RYR1: variants seen among roughly 807,000 people sequenced by gnomAD.
The protein encoded by RYR1 is central core disease of muscle.
Under a neutral mutation model 583.5 loss-of-function variants are expected in RYR1, and 342 were observed. The observed-to-expected ratio is 0.59, with a 90% confidence interval of 0.54 to 0.64. The LOEUF is 0.64. Ranked by LOEUF, RYR1 falls within the 30% of genes least tolerant of loss-of-function variation. The probability of loss-of-function intolerance (pLI) is 0.00; values close to 1 mark genes in which losing one functional copy is unlikely to be tolerated. For missense variants in RYR1, 6,032 were observed against 6,917.2 expected, an observed-to-expected ratio of 0.87 and a Z score of 4.54; for synonymous variants, 2,791 against 2,822.5, an observed-to-expected ratio of 0.99 and a Z score of 0.35.
intron 71 of RYR1, 137 bp downstream of exon 71, chr19:38,525,639 GTTCTT>G (rs1971435614): frequency 3.1e-6 from 3 of 963,702 alleles, no homozygotes; most frequent in East Asian, 5.2e-5. Flanking sequence ...ACCCCACTGA[GTTCTT>G]TTCCGGGATG....
At position 38,451,210 on chromosome 19, in the gene RYR1, G is replaced by C. The variant is rs528310668; in HGVS notation, c.1123-554G>C. On this transcript the variant is annotated intron_variant, in intron 11 of 105. Transcript: ENST00000359596. ...CATGAGCCAAGGGCGTAGAGACGGG[G>C]CCTGGGCCATGTCCAAAGTGGGGAC... Among the ~76,000 whole-genome samples, 3 of 152,378 alleles carry C rather than the reference G, an allele frequency of 2.0e-5. No individual in the cohort carries two copies. The East Asian group carries it at 5.8e-4, about 29-fold the overall frequency.
intron 76 of RYR1, 101 bp from the exon 77 acceptor site, chr19:38,532,383 AGAGTGT>A: frequency 9.1e-7 from 1 of 1,097,594 alleles, no homozygotes; most frequent in South Asian, 1.3e-5. Flanking sequence ...TCAGCCTCCC[AGAGTGT>A]TGGGATTACA....
At chr19:38,574,963 C>T (rs868362992) in intron 96 of RYR1, among the ~76,000 whole-genome samples, 1 of 150,594 alleles carries the variant, frequency 6.6e-6, no homozygotes, top group Admixed American at 6.7e-5. Context: ...TGGCGTGAAC[C>T]GAGGAGGCGG....
chr19:38,436,361 C>G (rs1436006611), intron 1 of RYR1, among the ~76,000 whole-genome samples: 1 of 152,096 alleles, frequency 6.6e-6, no homozygotes, highest in African/African-American at 2.4e-5. Flanking sequence ...GTGCATAGCA[C>G]CATGCTTGGC....
At chr19:38,438,764 G>A (rs909070596) in intron 1 of RYR1, among the ~76,000 whole-genome samples, 1 of 150,270 alleles carries the variant, frequency 6.7e-6, no homozygotes, top group Non-Finnish European at 1.5e-5. Context: ...GACTACAGGC[G>A]CCCGCCACCA....
chr19:38,473,903 C>T (rs1238667492), intron 28 of RYR1, 132 bp downstream of exon 28: 9 of 673,610 alleles, frequency 1.3e-5, no homozygotes, highest in Middle Eastern at 4.1e-4. Flanking sequence ...GTAAGAATAC[C>T]GAGAGATTCT....
chr19:38,560,454 C>T (rs917551790), intron 89 of RYR1, among the ~76,000 whole-genome samples: 9 of 151,756 alleles, frequency 5.9e-5, no homozygotes, highest in African/African-American at 1.2e-4. Flanking sequence ...TATGGCTGGG[C>T]GCGGTGGCAC....
intron 96 of RYR1, among the ~76,000 whole-genome samples, chr19:38,574,996 C>T (rs1318611655): frequency 1.3e-5 from 2 of 149,102 alleles, no homozygotes; most frequent in African/African-American, 2.5e-5. Context: ...GCCCAGATGG[C>T]ACCACTGCAC....
intron 55 of RYR1, 21 bp downstream of exon 55, chr19:38,506,398 G>T (rs762394265): frequency 6.2e-7 from 1 of 1,613,794 alleles, no homozygotes; most frequent in South Asian, 1.1e-5. Flanking sequence ...TGATCCTTTT[G>T]GGGGGACATA....
At chr19:38,574,804 C>A (rs1165497403) in intron 96 of RYR1, among the ~76,000 whole-genome samples, 4 of 152,142 alleles carry the variant, frequency 2.6e-5, no homozygotes, top group Non-Finnish European at 5.9e-5. Context: ...CTTTGGGAGG[C>A]CGAGGCAGGC....
intron 13 of RYR1, among the ~76,000 whole-genome samples, chr19:38,454,701 A>G (rs965000494): frequency 1.3e-5 from 2 of 152,178 alleles, no homozygotes; most frequent in African/African-American, 4.8e-5. Context: ...CATAACTATG[A>G]ATAATGAGAA....
chr19:38,483,576 G>A lies in RYR1; in HGVS notation c.4934+60G>A. ...GTGTTGCAAGCCCTCTGGGGTCTGG[G>A]TCCCACTCAGTGCCCCTCCTCAACA... On this transcript the variant is annotated intron_variant, in intron 33 of 105. Coordinates refer to ENST00000359596, the MANE Select transcript of RYR1 (RefSeq NM_000540.3). This position sits in a 1 kb window ranked among gnomAD's most constrained non-coding sequence, Gnocchi z 6.3. The A allele has an allele frequency of 1.4e-6, 2 of 1,410,482 alleles. No individual in the cohort carries two copies. The highest frequency in any genetic ancestry group is 9.7e-7 in the Non-Finnish European group (1 of 1,034,208). 87.4% of individuals were successfully genotyped at this position (1,410,482 alleles called of 1,614,324 possible).
chr19:38,538,065 G>A lies in RYR1; in HGVS notation c.11689+105G>A. 11 of 1,029,428 alleles carry A rather than the reference G, an allele frequency of 1.1e-5. No individual in the cohort carries two copies. The South Asian group carries it at 1.3e-4, about 12-fold the overall frequency. 63.8% of individuals were successfully genotyped at this position (1,029,428 alleles called of 1,614,324 possible). A position where few individuals can be genotyped will look rare whatever the true frequency, so the allele number is the denominator to read the frequency against. On this transcript the variant is annotated intron_variant, in intron 84 of 105. Transcript: ENST00000359596. ...CCCTCCTCCTCCCCCGGTCAATGAT[G>A]GCCACTCTCCAGCCAGTGTCAATCC...
intron 89 of RYR1, among the ~76,000 whole-genome samples, chr19:38,550,613 C>T (rs938589003): frequency 2.6e-5 from 4 of 151,902 alleles, no homozygotes; most frequent in Admixed American, 6.6e-5. Context: ...TGGGCTCAGG[C>T]GATCCTCCTG....
intron 89 of RYR1, among the ~76,000 whole-genome samples, chr19:38,559,038 AAG>A (rs1362262536): frequency 2.0e-5 from 3 of 151,594 alleles, no homozygotes; most frequent in Admixed American, 6.6e-5. Context: ...GCAGTGAGCC[AAG>A]ATCGTGCCAC....
intron 35 of RYR1, 115 bp downstream of exon 35, chr19:38,489,558 T>A: frequency 8.6e-7 from 1 of 1,159,778 alleles, no homozygotes; most frequent in Non-Finnish European, 1.3e-6. Flanking sequence ...TGGAAATGCA[T>A]ATGGCAGTGA....
At chr19:38,517,075 A>T (rs939442336) in intron 65 of RYR1, among the ~76,000 whole-genome samples, 9 of 151,888 alleles carry the variant, frequency 5.9e-5, no homozygotes, top group African/African-American at 2.2e-4. Context: ...GGTGAGGGGA[A>T]TGGGCTTGGG....
At chr19:38,520,130 C>G (rs991635791) in intron 67 of RYR1, among the ~76,000 whole-genome samples, 1 of 141,868 alleles carries the variant, frequency 7.0e-6, no homozygotes, top group African/African-American at 2.7e-5. Flanking sequence ...GGCTGGAGTG[C>G]TGTGGCATGA....
chr19:38,483,811 A>G lies in RYR1; in HGVS notation c.4934+295A>G, dbSNP rs575355474. On this transcript the variant is annotated intron_variant, in intron 33 of 105. Transcript: ENST00000359596. The surrounding 1 kb of genome is among the most constrained non-coding windows in gnomAD (Gnocchi z 6.3). ...ACCCACTCCACAGGGCCCCAAACCC[A>G]TCTCAGGGAGCCAGACCCACATCAA... is the stretch of plus-strand genomic sequence containing the variant. Among the ~76,000 whole-genome samples the G allele has an allele frequency of 6.6e-6, 1 of 151,976 alleles. No homozygotes were observed. The highest frequency in any genetic ancestry group is 6.6e-5 in the Admixed American group (1 of 15,258).
Sources: gnomAD v4.1 joint callset for allele counts (sites outside exome capture counted in the v4.1 genomes callset) on GRCh38, gnomAD v4.1.1 for gene constraint, Gnocchi (gnomAD v3.1) non-coding constraint, MANE v1.5 for transcripts, NCBI Gene and HGNC (gene_info 2026-07-23, HGNC 2026-07-21) for gene names.